The following BEGAIN variants were observed in gnomAD, a reference collection of about 807,000 sequenced individuals.
BEGAIN encodes brain enriched guanylate kinase associated, also known as brain-enriched guanylate kinase-associated protein.
In BEGAIN, 19 loss-of-function variants were observed where a neutral mutation model predicts 35.8. The observed-to-expected ratio is 0.53, with a 90% CI of 0.37 to 0.78. The LOEUF (loss-of-function observed/expected upper bound fraction) is 0.78, where lower values mean the gene tolerates loss of function less well. BEGAIN is among the 30% of genes least tolerant of loss of function. BEGAIN has a pLI of 0.00. For synonymous variants in BEGAIN, 462 were observed against 388.6 expected, an observed-to-expected ratio of 1.19 and a Z score of -2.22; for missense variants, 795 against 853.6, an observed-to-expected ratio of 0.93 and a Z score of 0.85.
intron 1 of BEGAIN, among the ~76,000 whole-genome samples, chr14:100,580,363 C>T (rs981922247): frequency 3.3e-5 from 5 of 152,178 alleles, no homozygotes; most frequent in Middle Eastern, 3.4e-3. Flanking sequence ...GACTAGACAA[C>T]GTCACACCTT....
chr14:100,545,321 A>G, intron 3 of BEGAIN: 5 of 1,334,592 alleles, frequency 3.7e-6, no homozygotes, highest in Non-Finnish European at 4.8e-6. Context: ...CCCCCTGAAG[A>G]TGGGAAGGGA....
chr14:100,583,891 G>A (rs2035379093), intron 1 of BEGAIN, among the ~76,000 whole-genome samples: 1 of 151,844 alleles, frequency 6.6e-6, no homozygotes, highest in Admixed American at 6.6e-5. Flanking sequence ...TAGAGACGGG[G>A]TTTCACCATA....
chr14:100,538,631 G>T lies in BEGAIN; in HGVS notation c.1177C>A (p.Pro393Thr). ...AAGCGGAAGGTCTCGGCCGGGTACG[G>T]TGACATGGTCCGCCCGAAGCCTGGG... Reference protein sequence around the residue: ...VAPGFGRTMSPYPAETFRFPA... With the variant: ...VAPGFGRTMSTYPAETFRFPA... The change falls in exon 7 of 7, where the codon CCG (proline) becomes ACG (threonine). Residue 393 changes from proline to threonine, a missense_variant. Around this residue, in one of 3 missense-constraint regions of BEGAIN, gnomAD observed 664 missense variants for 647.7 expected, o/e 1.03. Transcript: ENST00000554140. The T allele has an allele frequency of 1.9e-6, 3 of 1,549,906 alleles. No individual in the cohort carries two copies. The highest frequency in any genetic ancestry group is 2.6e-6 in the Non-Finnish European group (3 of 1,146,490).
intron 5 of BEGAIN, among the ~76,000 whole-genome samples, chr14:100,542,579 G>A (rs1408005279): frequency 2.2e-4 from 33 of 152,226 alleles, no homozygotes. Context: ...GCCAGGAAAT[G>A]GCAGGCAACT....
intron 1 of BEGAIN, among the ~76,000 whole-genome samples, chr14:100,576,475 G>T (rs1375668877): frequency 6.6e-6 from 1 of 152,198 alleles, no homozygotes; most frequent in African/African-American, 2.4e-5. Context: ...GAGAGTCACC[G>T]TGCTCACCCG....
intron 2 of BEGAIN, among the ~76,000 whole-genome samples, chr14:100,556,496 C>T (rs1271893203): frequency 6.6e-6 from 1 of 152,162 alleles, no homozygotes; most frequent in East Asian, 1.9e-4. Flanking sequence ...ACTCCTGGAC[C>T]TTGGCACAGG....
intron 1 of BEGAIN, among the ~76,000 whole-genome samples, chr14:100,581,426 C>T (rs2035313047): frequency 6.6e-6 from 1 of 152,140 alleles, no homozygotes. Flanking sequence ...ACCTGCTCAC[C>T]TACCAGCAGC....
chr14:100,585,971 G>T (rs532336088), intron 1 of BEGAIN, among the ~76,000 whole-genome samples: 61 of 152,392 alleles, frequency 4.0e-4, no homozygotes, highest in African/African-American at 1.4e-3. Flanking sequence ...CCTGATTATA[G>T]TGAGAGTCGG....
In BEGAIN at chr14:100,568,008, C is replaced by T; in HGVS notation, c.43-69G>A. On this transcript the variant is annotated intron_variant, in intron 1 of 6. Transcript: ENST00000554140. The surrounding 1 kb of genome is among the most constrained non-coding windows in gnomAD (Gnocchi z 7.5). ...GCTCCGCGGCCGCGCCGGGCAGAGCCGGGCACAGCGGGCACGGCCGGGCAA... is the reference window on the plus strand; with the variant it reads ...GCTCCGCGGCCGCGCCGGGCAGAGCTGGGCACAGCGGGCACGGCCGGGCAA... The T allele has an allele frequency of 5.3e-6, 7 of 1,315,000 alleles. No homozygotes were observed. In the South Asian group the frequency reaches 1.2e-4, roughly 22 times the overall value. The allele number at this position is 1,315,000 out of a possible 1,614,324, so 81.5% of individuals were successfully genotyped here.
intron 2 of BEGAIN, 65 bp from the exon 3 acceptor site, chr14:100,546,727 G>T (rs2032519939): frequency 1.2e-5 from 17 of 1,440,530 alleles, no homozygotes; most frequent in Non-Finnish European, 1.5e-5. Flanking sequence ...AGGCCCGCAG[G>T]CCAGCCGGGG....
intron 2 of BEGAIN, among the ~76,000 whole-genome samples, chr14:100,550,062 TGTGTG>T (rs986582945): frequency 2.6e-5 from 4 of 152,022 alleles, no homozygotes; most frequent in African/African-American, 7.3e-5. Context: ...CGTGTGCGTG[TGTGTG>T]GTGTGCGTGT....
intron 1 of BEGAIN, among the ~76,000 whole-genome samples, chr14:100,575,331 C>A (rs1361082799): frequency 2.6e-5 from 4 of 152,192 alleles, no homozygotes; most frequent in African/African-American, 9.7e-5. Context: ...AACAGACAAG[C>A]CCCTGTGAAG....
chr14:100,545,040 T>G lies in BEGAIN; in HGVS notation c.260A>C (p.Gln87Pro). The stretch of plus-strand genomic sequence containing the variant: ...GTCCTCCAGCTCCTGGTTGATCCTC[T>G]GCAGTGCCATGTAGTTGCTCTGAAT... The part of the protein sequence containing the change: ...RRIQSNYMAL[Q>P]RINQELEDKL... The change falls in exon 4 of 7, where the codon CAG becomes CCG. Residue 87 changes from glutamine to proline, a missense_variant. By Grantham distance (76) the Gln-to-Pro change is moderately conservative (BLOSUM62 -1). Coordinates refer to ENST00000554140, the MANE Select transcript of BEGAIN (RefSeq NM_001385089.1). The G allele has an allele frequency of 6.2e-7, 1 of 1,613,356 alleles. No homozygotes were observed. The highest frequency in any genetic ancestry group is 8.5e-7 in the Non-Finnish European group (1 of 1,179,974).
At chr14:100,551,157 G>A (rs1156907741) in intron 2 of BEGAIN, among the ~76,000 whole-genome samples, 1 of 152,196 alleles carries the variant, frequency 6.6e-6, no homozygotes, top group East Asian at 1.9e-4. Context: ...CTGCCCCGGG[G>A]CCCCTGCTCC....
At chr14:100,540,854 A>G (rs1489492326) in intron 5 of BEGAIN, among the ~76,000 whole-genome samples, 1 of 152,202 alleles carries the variant, frequency 6.6e-6, no homozygotes, top group African/African-American at 2.4e-5. Flanking sequence ...GGAACCTCCC[A>G]CAAGGTGGGG....
chr14:100,538,364 G>T lies in BEGAIN; in HGVS notation c.1444C>A (p.Arg482Ser). ...GGSPGKKADGRASPLYASYKA... is the reference protein window; with the variant it reads ...GGSPGKKADGSASPLYASYKA... ...TAGCTGGCGTAGAGCGGGCTGGCGC[G>T]GCCGTCGGCCTTCTTGCCCGGGCTG... The change falls in exon 7 of 7, where the codon CGC (arginine) becomes AGC (serine). Residue 482 changes from arginine (R) to serine (S), a missense_variant. By Grantham distance (110) the Arg-to-Ser change is moderately radical. Around this residue, in one of 3 missense-constraint regions of BEGAIN, gnomAD observed 664 missense variants for 647.7 expected, o/e 1.03. Transcript: ENST00000554140. The T allele has an allele frequency of 6.6e-7, 1 of 1,512,906 alleles. No individual in the cohort carries two copies. Among genetic ancestry groups the T allele is most frequent in the Non-Finnish European group, 8.8e-7 (1 of 1,137,890 alleles). 93.7% of individuals were successfully genotyped at this position (1,512,906 alleles called of 1,614,324 possible).
intron 3 of BEGAIN, chr14:100,545,484 C>G (rs1346103816): frequency 1.0e-6 from 1 of 957,770 alleles, no homozygotes; most frequent in East Asian, 1.2e-4. Context: ...TGATGGGCCC[C>G]AGGGTGAGGC....
At chr14:100,553,004 C>G (rs1236354324) in intron 2 of BEGAIN, among the ~76,000 whole-genome samples, 1 of 152,156 alleles carries the variant, frequency 6.6e-6, no homozygotes, top group Non-Finnish European at 1.5e-5. Context: ...TGAGATGACT[C>G]CAGGAGGCCT....
In BEGAIN at chr14:100,538,567, G is replaced by T. The variant is rs1192852960; in HGVS notation, c.1241C>A (p.Pro414Gln). Residue 414 changes from proline (P) to glutamine (Q), a missense_variant, in exon 7 of 7, where the codon CCA becomes CAA. By Grantham distance (76) the Pro-to-Gln change is moderately conservative (BLOSUM62 -1). Transcript: ENST00000554140. ...CTTGGCCCGCAGGCTCCACAGGTTT[G>T]GGGGCATCAGGGCCTGCTGGGGACC... is the stretch of plus-strand genomic sequence containing the variant. ...SPGPQQALMP[P>Q]NLWSLRAKPG... 1.9e-6 allele frequency: 3 copies of T among 1,543,548 alleles called. No individual in the cohort carries two copies. In the African/African-American group the frequency reaches 4.1e-5, roughly 21 times the overall value.
Sources: allele counts gnomAD v4.1 joint callset (sites outside exome capture counted in the v4.1 genomes callset), GRCh38; gene constraint gnomAD v4.1.1; regional missense constraint gnomAD v4.1.1; non-coding constraint Gnocchi (gnomAD v3.1); transcripts MANE v1.5; gene names NCBI Gene and HGNC (gene_info 2026-07-23, HGNC 2026-07-21).